Variants in LDLRAD4 observed in about 807,000 individuals in gnomAD.
LDLRAD4 encodes low density lipoprotein receptor class A domain containing 4.
In LDLRAD4, 5 loss-of-function variants were observed where a neutral mutation model predicts 17.0. That is an observed-to-expected ratio of 0.29 (90% confidence interval 0.15 to 0.62). LDLRAD4 has a LOEUF of 0.62. Among genes scored for constraint, LDLRAD4 ranks in the 20% least tolerant of loss-of-function variants. The pLI, the probability that LDLRAD4 is intolerant of heterozygous loss-of-function variation, is 0.84. For missense variants in LDLRAD4, 340 were observed against 424.7 expected, an observed-to-expected ratio of 0.80 and a Z score of 1.75; for synonymous variants, 168 against 171.8, an observed-to-expected ratio of 0.98 and a Z score of 0.17.
chr18:13,270,793 A>G (rs1450515339), intron 1 of LDLRAD4, among the ~76,000 whole-genome samples: 1 of 152,242 alleles, frequency 6.6e-6, no homozygotes, highest in Non-Finnish European at 1.5e-5. Context: ...GATCTCTGAC[A>G]GAAGGGAAGA....
At chr18:13,274,764 T>C (rs556854016), upstream of LDLRAD4, among the ~76,000 whole-genome samples, 57 of 152,238 alleles carry the variant, frequency 3.7e-4, no homozygotes, top group Non-Finnish European at 7.1e-4. Flanking sequence ...GAATGTAAAA[T>C]AGACACAATG....
intron 1 of LDLRAD4, among the ~76,000 whole-genome samples, chr18:13,376,204 A>G (rs1484103178): frequency 1.3e-5 from 2 of 152,198 alleles, no homozygotes; most frequent in Non-Finnish European, 2.9e-5. Context: ...TTAGGTCTCC[A>G]TGCAGAGTAG....
At position 13,525,598 on chromosome 18, in the gene LDLRAD4, A is replaced by G. The variant is rs187228464; in HGVS notation, c.181+87214A>G. Among the ~76,000 whole-genome samples the G allele has an allele frequency of 2.0e-3, 307 of 152,322 alleles. 1 individual carries two copies. Among genetic ancestry groups the G allele is most frequent in the Admixed American group, 3.7e-3 (56 of 15,310 alleles). Reference sequence around the variant, plus strand: ...GTTTCAAATCTGTGTTGTGTCTGGGAAGGTCTTGGCATCTGCCGGGGTGAC... The same window carrying G: ...GTTTCAAATCTGTGTTGTGTCTGGGGAGGTCTTGGCATCTGCCGGGGTGAC... On this transcript the variant is annotated intron_variant, in intron 3 of 5. Transcript: ENST00000359446.
chr18:13,630,578 C>T (rs2041573530), intron 4 of LDLRAD4, among the ~76,000 whole-genome samples: 2 of 152,122 alleles, frequency 1.3e-5, no homozygotes, highest in South Asian at 4.2e-4. Context: ...GGGAGGTTAG[C>T]CCTTGGGTAG....
At chr18:13,613,807 G>C (rs996165877) in intron 3 of LDLRAD4, 1 of 152,268 alleles carries the variant, frequency 6.6e-6, no homozygotes, top group Non-Finnish European at 1.5e-5. Flanking sequence ...ACCTGGCCTT[G>C]GGCCGGTATC....
intron 1 of LDLRAD4, among the ~76,000 whole-genome samples, chr18:13,384,002 C>A (rs759550251): frequency 1.1e-4 from 17 of 152,166 alleles, no homozygotes; most frequent in Non-Finnish European, 2.4e-4. Context: ...TCCATTGATG[C>A]GGTAACACAG....
intron 1 of LDLRAD4, among the ~76,000 whole-genome samples, chr18:13,327,524 G>C (rs1464100421): frequency 1.3e-5 from 2 of 152,140 alleles, no homozygotes; most frequent in East Asian, 3.8e-4. Context: ...AGATTTCAAG[G>C]AAGTCGGAAG....
intron 3 of LDLRAD4, among the ~76,000 whole-genome samples, chr18:13,559,598 A>G (rs2094518973): frequency 2.0e-5 from 3 of 152,260 alleles, no homozygotes; most frequent in Non-Finnish European, 2.9e-5. Context: ...GTATATATAC[A>G]TATAGAAATG....
upstream of LDLRAD4, among the ~76,000 whole-genome samples, chr18:13,276,069 G>T (rs748934533): frequency 1.3e-5 from 2 of 152,116 alleles, no homozygotes; most frequent in Non-Finnish European, 2.9e-5. Context: ...AGTGCAGTGG[G>T]TCGATCTTGG....
At chr18:13,340,961 T>C (rs1414994999) in intron 1 of LDLRAD4, among the ~76,000 whole-genome samples, 1 of 152,204 alleles carries the variant, frequency 6.6e-6, no homozygotes, top group African/African-American at 2.4e-5. Flanking sequence ...TATTCAGTTT[T>C]CCCAACCCAT....
chr18:13,301,526 AG>A (rs2046602498), intron 1 of LDLRAD4, among the ~76,000 whole-genome samples: 1 of 152,158 alleles, frequency 6.6e-6, no homozygotes, highest in African/African-American at 2.4e-5. Context: ...CAGTGCCAGC[AG>A]GAACCGTAGG....
chr18:13,641,121 T>C (rs1193110169), intron 4 of LDLRAD4, among the ~76,000 whole-genome samples: 1 of 152,116 alleles, frequency 6.6e-6, no homozygotes, highest in Admixed American at 6.5e-5. Context: ...ACAGCAACAA[T>C]TCTTAGTTGT....
intron 3 of LDLRAD4, among the ~76,000 whole-genome samples, chr18:13,524,251 CT>C (rs1310118814): frequency 6.6e-6 from 1 of 152,176 alleles, no homozygotes; most frequent in African/African-American, 2.4e-5. Context: ...TTACACTTTA[CT>C]TTGAAAAAAC....
intron 3 of LDLRAD4, among the ~76,000 whole-genome samples, chr18:13,528,573 A>G (rs1293481292): frequency 2.0e-5 from 3 of 152,136 alleles, no homozygotes; most frequent in African/African-American, 4.8e-5. Context: ...TTCACCTTCC[A>G]AAGTGCTGAG....
rs1177808596 is a variant in LDLRAD4 at position 13,609,528 on chromosome 18, T to TGC, written c.182-11587_182-11586dup. Among the ~76,000 whole-genome samples, 4 of 69,212 alleles carry TGC rather than the reference T, an allele frequency of 5.8e-5. No homozygotes were observed. In the East Asian group the frequency reaches 9.4e-4, roughly 16 times the overall value. The allele number at this position is 69,212 out of a possible 152,430, so 45.4% of individuals were successfully genotyped here. A position where few individuals can be genotyped will look rare whatever the true frequency, so the allele number is the denominator to read the frequency against. ...GGAGCGCTCATTATGCGTGTGTGTGTGCGTGTGTGTGTGTGTGTGTGTGTG... is the reference window on the plus strand; with the variant it reads ...GGAGCGCTCATTATGCGTGTGTGTGTGCGCGTGTGTGTGTGTGTGTGTGTGTG... On this transcript the variant is annotated intron_variant, in intron 3 of 5. Coordinates refer to ENST00000359446, the Ensembl canonical transcript of LDLRAD4.
At chr18:13,467,305 G>C (rs2092650033) in intron 3 of LDLRAD4, among the ~76,000 whole-genome samples, 1 of 152,120 alleles carries the variant, frequency 6.6e-6, no homozygotes, top group Non-Finnish European at 1.5e-5. Context: ...AGAATTGCTG[G>C]GAACAACATC....
intron 1 of LDLRAD4, among the ~76,000 whole-genome samples, chr18:13,305,536 T>C (rs1031221899): frequency 2.0e-5 from 3 of 152,174 alleles, no homozygotes; most frequent in African/African-American, 7.2e-5. Context: ...TTTCCTGCAA[T>C]ACCATAAGCC....
intron 1 of LDLRAD4, among the ~76,000 whole-genome samples, chr18:13,247,163 C>T (rs141491264): frequency 2.7e-3 from 408 of 152,222 alleles, no homozygotes; most frequent in Non-Finnish European, 4.3e-3. Flanking sequence ...TTTAGGGCAA[C>T]GGCAGGATTT....
intron 3 of LDLRAD4, among the ~76,000 whole-genome samples, chr18:13,496,905 G>C (rs889809515): frequency 4.7e-4 from 71 of 152,336 alleles, no homozygotes; most frequent in African/African-American, 1.5e-3. Context: ...TTGAAGACAG[G>C]TGAAGCCAAG....
Sources: gnomAD v4.1 joint callset for allele counts (sites outside exome capture counted in the v4.1 genomes callset) on GRCh38, gnomAD v4.1.1 for gene constraint, MANE v1.5 for transcripts, NCBI Gene and HGNC (gene_info 2026-07-23, HGNC 2026-07-21) for gene names.